Variants in ZNF423 observed in about 807,000 individuals in gnomAD.
ZNF423 encodes the protein Ebf-associated zinc finger protein.
A neutral mutation model predicts 95.8 loss-of-function variants in ZNF423; 12 were observed. That is an observed-to-expected ratio of 0.13 (90% CI 0.08 to 0.20). The LOEUF is 0.20. ZNF423 is among the 10% of genes least tolerant of loss of function. ZNF423 has a pLI of 1.00. For missense variants in ZNF423, 1,316 were observed against 1,737.1 expected (o/e 0.76, Z 4.31); for synonymous variants, 749 against 711.9 (o/e 1.05, Z -0.83).
intron 5 of ZNF423, among the ~76,000 whole-genome samples, chr16:49,590,627 T>C (rs1223032104): frequency 6.6e-6 from 1 of 152,190 alleles, no homozygotes; most frequent in Non-Finnish European, 1.5e-5. Flanking sequence ...AGCCCTGTGC[T>C]TCCCCTTGGT....
chr16:49,721,409 C>T (rs2032861932), intron 3 of ZNF423, among the ~76,000 whole-genome samples: 1 of 152,116 alleles, frequency 6.6e-6, no homozygotes, highest in Admixed American at 6.5e-5. Flanking sequence ...CTGGAAACTC[C>T]CAAGATGAAA....
chr16:49,837,504 G>C (rs1038399502), intron 1 of ZNF423, among the ~76,000 whole-genome samples: 4 of 152,292 alleles, frequency 2.6e-5, no homozygotes, highest in South Asian at 2.1e-4. Context: ...GGACTCCCCA[G>C]AAAGAACCAT....
intron 3 of ZNF423, chr16:49,730,502 T>C: frequency 1.9e-6 from 1 of 518,102 alleles, no homozygotes; most frequent in East Asian, 3.5e-5. Context: ...ATCCACCCAT[T>C]CATGGCCTGA....
intron 3 of ZNF423, among the ~76,000 whole-genome samples, chr16:49,658,404 C>T (rs77900759): frequency 0.023 from 3,537 of 152,340 alleles, 139 homozygotes; most frequent in African/African-American, 0.081. Flanking sequence ...GCTAGCCAGG[C>T]GGCCCCTCTG....
At chr16:49,503,872 GAGA>G (rs1483589562) in intron 7 of ZNF423, among the ~76,000 whole-genome samples, 1 of 152,190 alleles carries the variant, frequency 6.6e-6, no homozygotes, top group Non-Finnish European at 1.5e-5. Context: ...AGGGTCAAGG[GAGA>G]AGAAGAAAAA....
intron 5 of ZNF423, among the ~76,000 whole-genome samples, chr16:49,552,257 C>T (rs1025982562): frequency 1.3e-5 from 2 of 152,248 alleles, no homozygotes; most frequent in Non-Finnish European, 2.9e-5. Flanking sequence ...CTGCCACTGA[C>T]TCACTGTGTG....
intron 7 of ZNF423, among the ~76,000 whole-genome samples, chr16:49,509,261 C>T (rs1299581820): frequency 1.3e-5 from 2 of 152,142 alleles, no homozygotes; most frequent in Admixed American, 6.5e-5. Flanking sequence ...CCTGCTGTCC[C>T]CTGGGACGCC....
At position 49,664,783 on chromosome 16, in the gene ZNF423, C is replaced by G. The variant is rs189054861; in HGVS notation, c.302-25909G>C. Among the ~76,000 whole-genome samples the G allele has an allele frequency of 3.3e-5, 5 of 152,346 alleles. No individual in the cohort carries two copies. The South Asian group carries it at 8.3e-4, about 25-fold the overall frequency. The stretch of plus-strand genomic sequence containing the variant: ...CTCCAGGGAAAACCCCGCTGCTCAC[C>G]GAAAGGTGCCCCAACCAGAGCGAAA... On this transcript the variant is annotated intron_variant, in intron 3 of 7. Transcript: ENST00000563137.
chr16:49,525,656 G>A (rs1283629119), intron 5 of ZNF423, among the ~76,000 whole-genome samples, 162 bp from the exon 6 acceptor site: 5 of 152,032 alleles, frequency 3.3e-5, no homozygotes, highest in African/African-American at 4.8e-5. Context: ...GGCTCCACAT[G>A]GCCTCACCCC....
upstream of ZNF423, among the ~76,000 whole-genome samples, chr16:49,858,721 C>G (rs868343354): frequency 2.8e-5 from 4 of 141,924 alleles, no homozygotes; most frequent in African/African-American, 1.0e-4. This position sits in a 1 kb window ranked among gnomAD's most constrained non-coding sequence, Gnocchi z 4.3. Flanking sequence ...ATAGGAGCCC[C>G]CCCCCCCACG....
At position 49,614,425 on chromosome 16, in the gene ZNF423, AC is replaced by A. The variant is rs539795297; in HGVS notation, c.3601+11744del. ...AAAGTCAAACATGCAAGTACTACAG[AC>A]CTAGCAATTGCACTCTTGGGAATTT... is the stretch of plus-strand genomic sequence containing the variant. On this transcript the variant is annotated intron_variant, in intron 5 of 7. Coordinates refer to ENST00000563137, the MANE Select transcript of ZNF423 (RefSeq NM_001379286.1). Among the ~76,000 whole-genome samples the A allele has an allele frequency of 5.9e-5, 9 of 152,160 alleles. No homozygotes were observed. The South Asian group carries it at 1.9e-3, about 32-fold the overall frequency.
chr16:49,519,004 C>A (rs1329486346), intron 7 of ZNF423, among the ~76,000 whole-genome samples: 4 of 152,200 alleles, frequency 2.6e-5, no homozygotes, highest in Admixed American at 2.6e-4. Context: ...GTTGAGGCTG[C>A]AGTAAGCCAT....
chr16:49,687,990 C>G (rs985049644), intron 3 of ZNF423, among the ~76,000 whole-genome samples: 1 of 151,440 alleles, frequency 6.6e-6, no homozygotes, highest in Non-Finnish European at 1.5e-5. Context: ...AAAAAACAGC[C>G]AGAGGGCCTC....
At chr16:49,809,927 G>A (rs1481440754) in intron 1 of ZNF423, among the ~76,000 whole-genome samples, 1 of 152,086 alleles carries the variant, frequency 6.6e-6, no homozygotes, top group Non-Finnish European at 1.5e-5. Context: ...CAGGCCCCCA[G>A]CCTGCGCCCA....
At chr16:49,712,212 T>C (rs977500263) in intron 3 of ZNF423, among the ~76,000 whole-genome samples, 1 of 152,224 alleles carries the variant, frequency 6.6e-6, no homozygotes, top group African/African-American at 2.4e-5. Context: ...GAAGGCCTTC[T>C]CTGCTCCTCA....
chr16:49,638,665 T>C lies in ZNF423; in HGVS notation c.511A>G (p.Lys171Glu). The C allele has an allele frequency of 1.2e-6, 2 of 1,614,092 alleles. No individual in the cohort carries two copies. Among genetic ancestry groups the C allele is most frequent in the Non-Finnish European group, 1.7e-6 (2 of 1,180,028 alleles). The change falls in exon 4 of 8, where the codon AAG becomes GAG. Residue 171 changes from lysine (K) to glutamate (E), a missense_variant. By Grantham distance (56) the Lys-to-Glu change is moderately conservative. Transcript: ENST00000563137. This position sits in a 1 kb window ranked among gnomAD's most constrained non-coding sequence, Gnocchi z 5.6. The stretch of plus-strand genomic sequence containing the variant: ...CAGTAGGTGCACTTGAACGGCAGCT[T>C]GTCGCTGTGGATCTGCTCGTGCCTC... Reference protein sequence around the residue: ...LKRHEQIHSDKLPFKCTYCSR... With the variant: ...LKRHEQIHSDELPFKCTYCSR...
chr16:49,718,145 G>T (rs2143224875), intron 3 of ZNF423, among the ~76,000 whole-genome samples: 1 of 152,198 alleles, frequency 6.6e-6, no homozygotes, highest in East Asian at 1.9e-4. Context: ...CTGTGGCTGG[G>T]TGTGGTGGCT....
At chr16:49,547,656 G>T (rs1409787286) in intron 5 of ZNF423, among the ~76,000 whole-genome samples, 1 of 152,190 alleles carries the variant, frequency 6.6e-6, no homozygotes, top group Non-Finnish European at 1.5e-5. Flanking sequence ...GAAGGCGGAG[G>T]GTGGCACGCT....
Position 49,636,117 on chromosome 16 carries a change from T to A in ZNF423, c.3059A>T (p.Asp1020Val). ...GAAGCCCGTGAGTGAGTTGCGCAGG[T>A]CAGGGTGCATCTGGCAGTGCTCAAT... ...EFIEHCQMHP[D>V]LRNSLTGFRC... Residue 1020 changes from aspartate (D) to valine (V), a missense_variant, in exon 4 of 8, where the codon GAC (aspartate) becomes GTC (valine). Physicochemically the swap from Asp to Val is radical, Grantham distance 152. This residue lies in a region of ZNF423 where 620 missense variants were observed against 775.6 expected (regional missense o/e 0.80). Transcript: ENST00000563137. The surrounding 1 kb of genome is among the most constrained non-coding windows in gnomAD (Gnocchi z 8.6). 1 of 1,613,860 alleles carries A rather than the reference T, an allele frequency of 6.2e-7. No individual in the cohort carries two copies. Among genetic ancestry groups the A allele is most frequent in the Non-Finnish European group, 8.5e-7 (1 of 1,180,008 alleles).
Sources: gnomAD v4.1 joint callset for allele counts (sites outside exome capture counted in the v4.1 genomes callset) on GRCh38, gnomAD v4.1.1 for gene constraint, gnomAD v4.1.1 regional missense constraint, Gnocchi (gnomAD v3.1) non-coding constraint, MANE v1.5 for transcripts, NCBI Gene and HGNC (gene_info 2026-07-23, HGNC 2026-07-21) for gene names.